The following ZFHX3 variants were observed in gnomAD, a reference collection of about 807,000 sequenced individuals.
The protein encoded by ZFHX3 is zinc finger homeobox protein 3.
ZFHX3 carries 42 observed loss-of-function variants against 279.1 expected under a neutral mutation model. The observed-to-expected ratio is 0.15, with a 90% CI of 0.12 to 0.19. The LOEUF is 0.19. Ranked by LOEUF, ZFHX3 falls within the 10% of genes least tolerant of loss-of-function variation. The probability of loss-of-function intolerance (pLI) is 1.00; values close to 1 mark genes in which losing one functional copy is unlikely to be tolerated. For synonymous variants in ZFHX3, 2,293 were observed against 1,957.8 expected, an observed-to-expected ratio of 1.17 and a Z score of -4.52; for missense variants, 4,981 against 4,754.0, an observed-to-expected ratio of 1.05 and a Z score of -1.40.
chr16:73,399,065 T>C (rs1430572190), intron 3 of ZFHX3, among the ~76,000 whole-genome samples: 3 of 144,752 alleles, frequency 2.1e-5, no homozygotes, highest in East Asian at 4.1e-4. Context: ...TTTAGTAGAA[T>C]CGGGGTTTCG....
chr16:73,887,485 A>C (rs1197910660), intron 1 of ZFHX3, among the ~76,000 whole-genome samples: 1 of 152,216 alleles, frequency 6.6e-6, no homozygotes, highest in Non-Finnish European at 1.5e-5. Context: ...GATAGATTAA[A>C]ATGGTTTAAC....
rs116944209 is a variant in ZFHX3, at chr16:73,879,492, G to A, written c.-1608+12159C>T. 1.4e-3 allele frequency among the ~76,000 whole-genome samples: 207 copies of A among 151,998 alleles called. 1 individual carries two copies. The highest frequency in any genetic ancestry group is 2.7e-3 in the South Asian group (13 of 4,812). On this transcript the variant is annotated intron_variant, in intron 1 of 17. Transcript: ENST00000641206. ...GCTTCCCTTTCATTCTGGTTGGTTC[G>A]CCCTGTGATTTTTAAAATGAGAAAT...
intron 5 of ZFHX3, among the ~76,000 whole-genome samples, chr16:72,822,920 G>C (rs989117406): frequency 2.0e-5 from 3 of 149,700 alleles, no homozygotes; most frequent in Admixed American, 6.8e-5. Context: ...TCAAAGCCAA[G>C]ACCTTTGAAT....
Position 73,591,053 on chromosome 16 carries a change from C to A in ZFHX3, c.-1547+89127G>T, listed in dbSNP as rs549534436. 1.4e-4 allele frequency among the ~76,000 whole-genome samples: 22 copies of A among 152,220 alleles called. No homozygotes were observed. In the East Asian group the frequency reaches 3.9e-3, roughly 27 times the overall value. Reference sequence around the variant, plus strand: ...TTGGGAGAAATCTACAGAACAAATGCCTCAAAAACTAGAAAATAAGCCAAG... The same window carrying A: ...TTGGGAGAAATCTACAGAACAAATGACTCAAAAACTAGAAAATAAGCCAAG... On this transcript the variant is annotated intron_variant, in intron 2 of 17. Transcript: ENST00000641206.
chr16:73,691,436 C>T (rs1209251669), intron 1 of ZFHX3, among the ~76,000 whole-genome samples: 1 of 152,218 alleles, frequency 6.6e-6, no homozygotes, highest in Non-Finnish European at 1.5e-5. Context: ...CTTGAAGGAA[C>T]AGAAGGTGGG....
chr16:72,872,950 A>T (rs942327260), intron 4 of ZFHX3, among the ~76,000 whole-genome samples: 20 of 152,130 alleles, frequency 1.3e-4, no homozygotes, highest in Admixed American at 2.0e-4. Context: ...CAGAGTCCTG[A>T]ACTCCCACAA....
At chr16:73,331,829 C>A (rs62057271) in intron 3 of ZFHX3, among the ~76,000 whole-genome samples, 14,670 of 152,150 alleles carry the variant, frequency 0.096, 947 homozygotes, top group Middle Eastern at 0.2. Flanking sequence ...TAACTTATAT[C>A]TGGGGGTTAG....
At chr16:73,636,660 A>C (rs931998261) in intron 2 of ZFHX3, among the ~76,000 whole-genome samples, 1 of 152,224 alleles carries the variant, frequency 6.6e-6, no homozygotes, top group Non-Finnish European at 1.5e-5. Flanking sequence ...GGGAATTAAA[A>C]GATTTCATTA....
At chr16:73,109,521 C>T (rs113843532) in intron 7 of ZFHX3, among the ~76,000 whole-genome samples, 11,156 of 152,176 alleles carry the variant, frequency 0.073, 642 homozygotes, top group African/African-American at 0.16. Context: ...GTGGCTCCTG[C>T]GCAGGATGGA....
intron 1 of ZFHX3, among the ~76,000 whole-genome samples, chr16:72,988,104 G>A (rs969654525): frequency 6.6e-6 from 1 of 152,138 alleles, no homozygotes; most frequent in Non-Finnish European, 1.5e-5. Context: ...GTCCACACTT[G>A]GAAACCCGCC....
chr16:73,715,877 C>T (rs529985407), intron 1 of ZFHX3, among the ~76,000 whole-genome samples: 1 of 152,184 alleles, frequency 6.6e-6, no homozygotes, highest in African/African-American at 2.4e-5. Flanking sequence ...TGGCCCATAG[C>T]TAGTCTTTAA....
chr16:73,737,225 C>T (rs994516945), intron 1 of ZFHX3, among the ~76,000 whole-genome samples: 1 of 152,124 alleles, frequency 6.6e-6, no homozygotes, highest in Non-Finnish European at 1.5e-5. Flanking sequence ...ATTGTAGAGA[C>T]AGGGTCTTGC....
At chr16:73,878,152 A>T (rs754636453) in intron 1 of ZFHX3, among the ~76,000 whole-genome samples, 12 of 152,094 alleles carry the variant, frequency 7.9e-5, no homozygotes, top group Non-Finnish European at 4.4e-5. Flanking sequence ...TTTTTCTAAC[A>T]TCAAGCAATG....
At chr16:72,812,099 T>C (rs2036472621) in intron 5 of ZFHX3, 61 bp from the exon 6 acceptor site, 1 of 1,561,638 alleles carries the variant, frequency 6.4e-7, no homozygotes, top group Admixed American at 2.0e-5. Context: ...CCAGAGGGTT[T>C]GTGTTGGGTG....
chr16:73,696,737 T>G (rs957224735), intron 1 of ZFHX3, among the ~76,000 whole-genome samples: 1 of 152,162 alleles, frequency 6.6e-6, no homozygotes, highest in Non-Finnish European at 1.5e-5. Flanking sequence ...TTTTCCTTCT[T>G]CCACAGCAAT....
intron 3 of ZFHX3, among the ~76,000 whole-genome samples, chr16:72,946,582 C>A (rs953247497): frequency 6.6e-6 from 1 of 152,182 alleles, no homozygotes; most frequent in Non-Finnish European, 1.5e-5. Context: ...CCGCCCCCTC[C>A]GGGTAGAAAG....
rs187190915 is a variant in ZFHX3 at position 73,297,810 on chromosome 16, A to G, written c.-1194+20430T>C. 9.7e-4 allele frequency among the ~76,000 whole-genome samples: 147 copies of G among 152,082 alleles called. 1 individual carries two copies. The highest frequency in any genetic ancestry group is 1.8e-3 in the Non-Finnish European group (121 of 68,022). ...TCTGGAAAGTGTCTGTGCGATAATA[A>G]CCTTATCTTGTAGAGTTGTTCAGCT... On this transcript the variant is annotated intron_variant, in intron 4 of 17. Coordinates refer to the ZFHX3 transcript ENST00000641206.
At chr16:73,772,588 A>T (rs115406611) in intron 1 of ZFHX3, among the ~76,000 whole-genome samples, 4,816 of 152,210 alleles carry the variant, frequency 0.032, 235 homozygotes, top group African/African-American at 0.11. Flanking sequence ...TGTCTTTCAG[A>T]TATGTCCGTT....
At chr16:73,599,744 A>AAC (rs763917948) in intron 2 of ZFHX3, among the ~76,000 whole-genome samples, 2,205 of 151,358 alleles carry the variant, frequency 0.015, 60 homozygotes, top group African/African-American at 0.049. Flanking sequence ...AAAAAAAAAA[A>AAC]AACAACAACC....
Sources: allele counts gnomAD v4.1 joint callset (sites outside exome capture counted in the v4.1 genomes callset), GRCh38; gene constraint gnomAD v4.1.1; transcripts MANE v1.5; gene names NCBI Gene and HGNC (gene_info 2026-07-23, HGNC 2026-07-21).